RPH3A: variants seen among roughly 807,000 people sequenced by gnomAD.
The protein encoded by RPH3A is rabphilin-3A.
A neutral mutation model predicts 102.2 loss-of-function variants in RPH3A; 48 were observed. The ratio of observed to expected loss-of-function variants is 0.47; its 90% CI spans 0.37 to 0.60. The LOEUF is 0.60. Among genes scored for constraint, RPH3A ranks in the 20% least tolerant of loss-of-function variants. The pLI, the probability that RPH3A is intolerant of heterozygous loss-of-function variation, is 0.00. For synonymous variants in RPH3A, 310 were observed against 324.3 expected, an observed-to-expected ratio of 0.96 and a Z score of 0.47; for missense variants, 781 against 910.1, an observed-to-expected ratio of 0.86 and a Z score of 1.83.
chr12:112,831,784 C>T (rs1384802823), intron 3 of RPH3A: 1 of 455,906 alleles, frequency 2.2e-6, no homozygotes, highest in South Asian at 1.5e-5. Context: ...ATTGGTTGTG[C>T]TTTCAAGTGT....
At chr12:112,816,987 C>T (rs373155586) in intron 2 of RPH3A, among the ~76,000 whole-genome samples, 16 of 152,018 alleles carry the variant, frequency 1.1e-4, no homozygotes, top group African/African-American at 3.6e-4. Context: ...TGTTTTTGTC[C>T]CTGCTCTACA....
chr12:112,599,841 C>T (rs918466666), intron 1 of RPH3A, among the ~76,000 whole-genome samples: 2 of 152,154 alleles, frequency 1.3e-5, no homozygotes, highest in African/African-American at 4.8e-5. Flanking sequence ...ATAGCTGTCC[C>T]GATTTTGCCC....
At chr12:112,694,673 CACACACACACAG>C (rs1177716326) in intron 1 of RPH3A, among the ~76,000 whole-genome samples, 44 of 144,638 alleles carry the variant, frequency 3.0e-4, no homozygotes, top group African/African-American at 7.1e-4. Flanking sequence ...CACACACACA[CACACACACACAG>C]AGAGAGAGAG....
intron 1 of RPH3A, among the ~76,000 whole-genome samples, chr12:112,592,095 G>C (rs1434182036): frequency 1.3e-5 from 2 of 152,040 alleles, no homozygotes; most frequent in Non-Finnish European, 2.9e-5. Context: ...CTGTATTGTT[G>C]GTTGGGCATA....
At chr12:112,850,783 G>C (rs1173467366) in intron 5 of RPH3A, 1 of 152,156 alleles carries the variant, frequency 6.6e-6, no homozygotes, top group Admixed American at 6.5e-5. Context: ...GTGCTAACTG[G>C]GGCTCCCACT....
chr12:112,649,721 C>T (rs1257564958), intron 1 of RPH3A, among the ~76,000 whole-genome samples: 1 of 152,200 alleles, frequency 6.6e-6, no homozygotes, highest in African/African-American at 2.4e-5. Flanking sequence ...TAACAAAATG[C>T]CACAGGCTGG....
intron 1 of RPH3A, among the ~76,000 whole-genome samples, chr12:112,662,442 C>A (rs2040054986): frequency 6.6e-6 from 1 of 152,146 alleles, no homozygotes; most frequent in African/African-American, 2.4e-5. Flanking sequence ...GATCAGGAAC[C>A]CAAAGCTCAG....
At chr12:112,619,175 G>A (rs1171104146) in intron 1 of RPH3A, among the ~76,000 whole-genome samples, 2 of 151,246 alleles carry the variant, frequency 1.3e-5, no homozygotes, top group Non-Finnish European at 2.9e-5. Context: ...TGGTGTTCAA[G>A]TTTTTGTGTA....
chr12:112,875,655 T>C (rs1187286585), intron 11 of RPH3A, 24 bp from the exon 12 acceptor site: 1 of 1,604,794 alleles, frequency 6.2e-7, no homozygotes, highest in Non-Finnish European at 8.5e-7. Context: ...GCTGCATCTC[T>C]GTTTGTCTCC....
intron 1 of RPH3A, among the ~76,000 whole-genome samples, chr12:112,766,782 C>G (rs959117000): frequency 6.6e-6 from 1 of 152,184 alleles, no homozygotes; most frequent in Non-Finnish European, 1.5e-5. Flanking sequence ...GGGGATGAGT[C>G]TGCATGGAGC....
In RPH3A at chr12:112,670,865, C is replaced by T. The variant is rs79144567; in HGVS notation, c.-140+95546C>T. Among the ~76,000 whole-genome samples, 339 of 152,184 alleles carry T rather than the reference C, an allele frequency of 2.2e-3. 4 individuals carry two copies. Among genetic ancestry groups the T allele is most frequent in the African/African-American group, 7.8e-3 (324 of 41,496 alleles). On this transcript the variant is annotated intron_variant, in intron 1 of 21. Coordinates refer to the RPH3A transcript ENST00000543106. Reference sequence around the variant, plus strand: ...ACACTTCAGTGGCCAAAACAAGACACGAGGCCAGCCCAGATTTAAGGGGTG... The same window carrying T: ...ACACTTCAGTGGCCAAAACAAGACATGAGGCCAGCCCAGATTTAAGGGGTG...
intron 1 of RPH3A, among the ~76,000 whole-genome samples, chr12:112,784,133 A>G (rs557296805): frequency 6.6e-6 from 1 of 152,334 alleles, no homozygotes; most frequent in African/African-American, 2.4e-5. Context: ...TAGATTCAAT[A>G]AAGCTGGGGT....
intron 10 of RPH3A, among the ~76,000 whole-genome samples, chr12:112,871,906 G>GTA (rs1050300351): frequency 5.3e-5 from 8 of 150,340 alleles, no homozygotes; most frequent in East Asian, 1.9e-4. Flanking sequence ...TGGTGTGTGT[G>GTA]TATATATATA....
At chr12:112,826,858 T>C (rs1425975504) in intron 2 of RPH3A, among the ~76,000 whole-genome samples, 2 of 152,222 alleles carry the variant, frequency 1.3e-5, no homozygotes, top group East Asian at 3.8e-4. Context: ...TTTGGATTGT[T>C]CCTGTGTTAA....
At chr12:112,889,988 G>A in intron 17 of RPH3A, 36 bp from the exon 18 acceptor site, 2 of 1,602,594 alleles carry the variant, frequency 1.2e-6, no homozygotes, top group Non-Finnish European at 1.7e-6. Flanking sequence ...GAGCTCCATA[G>A]ACAATGTTAT....
chr12:112,608,719 G>A (rs2039617093), intron 1 of RPH3A, among the ~76,000 whole-genome samples: 1 of 152,186 alleles, frequency 6.6e-6, no homozygotes, highest in African/African-American at 2.4e-5. Context: ...TGTGATAAAA[G>A]GGGAGGCAGA....
chr12:112,713,104 T>TCTTCTTCTTCTTCTTCTTCTTC, intron 1 of RPH3A, among the ~76,000 whole-genome samples: 1 of 137,536 alleles, frequency 7.3e-6, no homozygotes, highest in East Asian at 2.1e-4. Context: ...CTTCTTCTTT[T>TCTTCTTCTTCTTCTTCTTCTTC]ATTTTTTTGT....
intron 5 of RPH3A, among the ~76,000 whole-genome samples, chr12:112,855,333 C>G (rs189142876): frequency 1.0e-3 from 158 of 152,344 alleles, no homozygotes; most frequent in Non-Finnish European, 1.5e-3. Context: ...GCACCTGGCA[C>G]AGTGAGCACT....
chr12:112,648,309 G>A (rs996385286), intron 1 of RPH3A, among the ~76,000 whole-genome samples: 3 of 151,878 alleles, frequency 2.0e-5, no homozygotes, highest in African/African-American at 7.3e-5. Context: ...CCACTGAGTG[G>A]AATGTACTTA....
Sources: allele counts gnomAD v4.1 joint callset (sites outside exome capture counted in the v4.1 genomes callset), GRCh38; gene constraint gnomAD v4.1.1; transcripts MANE v1.5; gene names NCBI Gene and HGNC (gene_info 2026-07-23, HGNC 2026-07-21).